Variants in NALCN observed in about 807,000 individuals in gnomAD.
NALCN encodes the protein sodium leak channel NALCN.
Under a neutral mutation model 225.3 loss-of-function variants are expected in NALCN, and 111 were observed. The ratio of observed to expected loss-of-function variants is 0.49; its 90% confidence interval spans 0.42 to 0.58. The LOEUF (loss-of-function observed/expected upper bound fraction) is 0.58, where lower values mean the gene tolerates loss of function less well. Among genes scored for constraint, NALCN ranks in the 20% least tolerant of loss-of-function variants. The pLI is 0.00. For synonymous variants in NALCN, 764 were observed against 769.0 expected (o/e 0.99, Z 0.11); for missense variants, 1,378 against 2,202.4 (o/e 0.63, Z 7.49).
chr13:101,101,290 T>C (rs1181916816), intron 26 of NALCN, among the ~76,000 whole-genome samples: 1 of 142,698 alleles, frequency 7.0e-6, no homozygotes, highest in Non-Finnish European at 1.5e-5. Context: ...TCTTTTTTTT[T>C]TTTTTTTTGA....
chr13:101,059,308 A>G (rs2031635725), intron 42 of NALCN: 1 of 152,490 alleles, frequency 6.6e-6, no homozygotes. Flanking sequence ...TGAATTCCAT[A>G]TGTTCTTCTG....
At chr13:101,127,926 C>A (rs1459333988) in intron 17 of NALCN, among the ~76,000 whole-genome samples, 1 of 152,138 alleles carries the variant, frequency 6.6e-6, no homozygotes, top group Non-Finnish European at 1.5e-5. Flanking sequence ...GAGCTCAGAG[C>A]TACACTGCTC....
chr13:101,345,500 A>G lies in NALCN; in HGVS notation c.645-80T>C, dbSNP rs2045690962. The G allele has an allele frequency of 8.0e-6, 12 of 1,497,492 alleles. No homozygotes were observed. In the East Asian group the frequency reaches 2.5e-4, roughly 32 times the overall value. 92.8% of individuals were successfully genotyped at this position (1,497,492 alleles called of 1,614,324 possible). A position where few individuals can be genotyped will look rare whatever the true frequency, so the allele number is the denominator to read the frequency against. On this transcript the variant is annotated intron_variant, in intron 6 of 43. Coordinates refer to ENST00000251127, the MANE Select transcript of NALCN (RefSeq NM_052867.4). ...ACAATGAATAATGTAATTACCCTTC[A>G]TTAATATCTATGTATCTGGCCAAGT...
chr13:101,178,873 T>C (rs2039073337), intron 14 of NALCN, among the ~76,000 whole-genome samples: 1 of 152,172 alleles, frequency 6.6e-6, no homozygotes, highest in African/African-American at 2.4e-5. Context: ...AGATTGCCAG[T>C]GATGTGCATT....
intron 7 of NALCN, among the ~76,000 whole-genome samples, chr13:101,299,856 G>GT (rs1474707116): frequency 6.6e-6 from 1 of 151,970 alleles, no homozygotes; most frequent in Non-Finnish European, 1.5e-5. Context: ...TTTAGCCAAA[G>GT]GTCAGTAGTG....
chr13:101,402,139 T>C (rs2139520423), intron 1 of NALCN, among the ~76,000 whole-genome samples: 1 of 152,318 alleles, frequency 6.6e-6, no homozygotes, highest in African/African-American at 2.4e-5. Context: ...CTTATCATTA[T>C]TATGTTTTTA....
At chr13:101,160,214 A>G (rs1426483400) in intron 15 of NALCN, among the ~76,000 whole-genome samples, 1 of 152,188 alleles carries the variant, frequency 6.6e-6, no homozygotes, top group Non-Finnish European at 1.5e-5. Context: ...TTGGCCTCCC[A>G]AAGGAGAGAG....
chr13:101,367,389 T>C (rs1446479799), intron 6 of NALCN, among the ~76,000 whole-genome samples: 2 of 151,192 alleles, frequency 1.3e-5, no homozygotes, highest in Admixed American at 6.6e-5. Flanking sequence ...TCTCTCTTTT[T>C]TGACATCTGA....
rs2035013386 is a variant in NALCN at position 101,104,823 on chromosome 13, C to T, written c.2636+71G>A. On this transcript the variant is annotated intron_variant, in intron 23 of 43. Coordinates refer to ENST00000251127, the MANE Select transcript of NALCN (RefSeq NM_052867.4). This position sits in a 1 kb window ranked among gnomAD's most constrained non-coding sequence, Gnocchi z 4.2. ...CAAGAAAATAAAAGAGAATTTTAAT[C>T]GTTGTATGCAGCATAAAATAGTACA... 6.4e-7 allele frequency: 1 copy of T among 1,567,130 alleles called. No individual in the cohort carries two copies.
intron 28 of NALCN, among the ~76,000 whole-genome samples, chr13:101,090,591 T>C (rs1490613715): frequency 1.3e-5 from 2 of 152,110 alleles, no homozygotes; most frequent in African/African-American, 4.8e-5. Flanking sequence ...TCTCTTCCAG[T>C]TGGATTTTTT....
intron 17 of NALCN, among the ~76,000 whole-genome samples, chr13:101,125,108 G>A (rs896241932): frequency 6.6e-6 from 1 of 152,070 alleles, no homozygotes; most frequent in Non-Finnish European, 1.5e-5. Context: ...GCAGGTGTGG[G>A]GAATGAATGA....
At chr13:101,235,788 G>A (rs2041532422) in intron 12 of NALCN, among the ~76,000 whole-genome samples, 1 of 152,134 alleles carries the variant, frequency 6.6e-6, no homozygotes, top group Non-Finnish European at 1.5e-5. Context: ...TGGGTTTGTA[G>A]GGGGTTTTGC....
intron 1 of NALCN, among the ~76,000 whole-genome samples, chr13:101,406,946 A>C (rs2047642550): frequency 1.3e-5 from 2 of 152,198 alleles, no homozygotes; most frequent in Admixed American, 1.3e-4. Context: ...TTAGTCTCGT[A>C]ATTTCTTGAC....
chr13:101,292,505 G>T lies in NALCN; in HGVS notation c.800-139C>A. On this transcript the variant is annotated intron_variant, in intron 7 of 43. Coordinates refer to ENST00000251127, the MANE Select transcript of NALCN (RefSeq NM_052867.4). The surrounding 1 kb of genome is among the most constrained non-coding windows in gnomAD (Gnocchi z 4.3). ...CTTCAAAAATTGATTAGAATCACATGCAACACATTTTACTGTTCTCTTAAA... is the reference window on the plus strand; with the variant it reads ...CTTCAAAAATTGATTAGAATCACATTCAACACATTTTACTGTTCTCTTAAA... 1 of 850,874 alleles carries T rather than the reference G, an allele frequency of 1.2e-6. No individual in the cohort carries two copies. Among genetic ancestry groups the T allele is most frequent in the Non-Finnish European group, 1.7e-6 (1 of 578,490 alleles). The allele number at this position is 850,874 out of a possible 1,614,324, so 52.7% of individuals were successfully genotyped here. A position where few individuals can be genotyped will look rare whatever the true frequency, so the allele number is the denominator to read the frequency against.
At chr13:101,083,607 C>T (rs544916009) in intron 31 of NALCN, 104 bp downstream of exon 31, 2 of 1,105,582 alleles carry the variant, frequency 1.8e-6, no homozygotes, top group South Asian at 3.1e-5. Flanking sequence ...TTATGCACAA[C>T]CTCCCAGCGG....
At chr13:101,178,310 A>G (rs1490025667) in intron 14 of NALCN, among the ~76,000 whole-genome samples, 1 of 152,088 alleles carries the variant, frequency 6.6e-6, no homozygotes, top group Non-Finnish European at 1.5e-5. Flanking sequence ...TCCTAATTTA[A>G]TCATGTTTCC....
intron 28 of NALCN, among the ~76,000 whole-genome samples, chr13:101,094,372 C>T (rs1035586457): frequency 2.0e-5 from 3 of 152,168 alleles, no homozygotes; most frequent in African/African-American, 4.8e-5. Context: ...GCACCCTCTA[C>T]CTTTCTCTAT....
chr13:101,233,826 C>T (rs907302318), intron 12 of NALCN, among the ~76,000 whole-genome samples: 3 of 152,190 alleles, frequency 2.0e-5, no homozygotes, highest in Non-Finnish European at 2.9e-5. Context: ...TCAATATCAT[C>T]AGGATGATAC....
intron 10 of NALCN, among the ~76,000 whole-genome samples, chr13:101,275,493 C>T (rs1036741717): frequency 8.5e-5 from 13 of 152,210 alleles, no homozygotes; most frequent in African/African-American, 3.1e-4. Flanking sequence ...ACTGCATTCT[C>T]ATCCCCATTT....
Sources: gnomAD v4.1 joint callset for allele counts (sites outside exome capture counted in the v4.1 genomes callset) on GRCh38, gnomAD v4.1.1 for gene constraint, Gnocchi (gnomAD v3.1) non-coding constraint, MANE v1.5 for transcripts, NCBI Gene and HGNC (gene_info 2026-07-23, HGNC 2026-07-21) for gene names.